Variants in NBEA observed in about 807,000 individuals in gnomAD.
The protein encoded by NBEA is lysosomal-trafficking regulator 2.
A neutral mutation model predicts 343.4 loss-of-function variants in NBEA; 44 were observed. The observed-to-expected ratio is 0.13, with a 90% CI of 0.10 to 0.16. The LOEUF (loss-of-function observed/expected upper bound fraction) is 0.16, where lower values mean the gene tolerates loss of function less well. Among genes scored for constraint, NBEA ranks in the 10% least tolerant of loss-of-function variants. The pLI is 1.00. For synonymous variants in NBEA, 1,175 were observed against 1,238.7 expected (o/e 0.95, Z 1.08); for missense variants, 2,555 against 3,631.3 (o/e 0.70, Z 7.62).
intron 35 of NBEA, among the ~76,000 whole-genome samples, chr13:35,295,714 A>G (rs1054865253): frequency 6.6e-6 from 1 of 152,312 alleles, no homozygotes; most frequent in Non-Finnish European, 1.5e-5. Context: ...TCTGTATTTA[A>G]TATATCTTGG....
Position 35,432,308 on chromosome 13 carries a change from T to C in NBEA, c.6219T>C (p.Asp2073=), listed in dbSNP as rs2045172611. 6.2e-7 allele frequency: 1 copy of C among 1,606,856 alleles called. No individual in the cohort carries two copies. The highest frequency in any genetic ancestry group is 1.3e-5 in the African/African-American group (1 of 74,924). Residue 2073 remains aspartate, a synonymous_variant, in exon 39 of 59, where the codon GAT becomes GAC. Transcript: ENST00000379939. ...TCTGGCGTTTGGATTACTGGGAAGA[T>C]GATCTTCGTCGAAGGAGACGATTTG... The part of the protein sequence containing the change: ...HDFWRLDYWE[D]DLRRRRRFVR...
intron 34 of NBEA, among the ~76,000 whole-genome samples, chr13:35,262,886 G>A (rs1221110332): frequency 3.3e-5 from 5 of 152,152 alleles, no homozygotes; most frequent in South Asian, 2.1e-4. Context: ...AAGAGTTTAC[G>A]TCAGTCCTAC....
At chr13:35,493,689 A>G (rs1004837853) in intron 41 of NBEA, among the ~76,000 whole-genome samples, 3 of 151,960 alleles carry the variant, frequency 2.0e-5, no homozygotes, top group African/African-American at 7.2e-5. Context: ...TTTTGAATAG[A>G]ATATACAATC....
At chr13:35,356,248 G>C (rs1034760325) in intron 38 of NBEA, among the ~76,000 whole-genome samples, 1 of 152,168 alleles carries the variant, frequency 6.6e-6, no homozygotes, top group African/African-American at 2.4e-5. Flanking sequence ...CAAAGTGTTA[G>C]AGCCAGCAAC....
intron 44 of NBEA, among the ~76,000 whole-genome samples, chr13:35,556,009 T>C (rs990378316): frequency 6.6e-6 from 1 of 152,004 alleles, no homozygotes; most frequent in African/African-American, 2.4e-5. Flanking sequence ...AATATAGATA[T>C]GTATTAAATA....
intron 34 of NBEA, among the ~76,000 whole-genome samples, chr13:35,262,737 C>T (rs1177654544): frequency 6.6e-6 from 1 of 151,942 alleles, no homozygotes; most frequent in Admixed American, 6.6e-5. Context: ...ATTGTGGTGG[C>T]AAAACACAGT....
chr13:35,596,361 T>G (rs1015887576), intron 47 of NBEA, among the ~76,000 whole-genome samples: 2 of 152,186 alleles, frequency 1.3e-5, no homozygotes, highest in Non-Finnish European at 2.9e-5. Flanking sequence ...TTCTAAGCTG[T>G]TAAAGCACAG....
chr13:35,596,207 A>G (rs751364434), intron 47 of NBEA, among the ~76,000 whole-genome samples: 1 of 152,028 alleles, frequency 6.6e-6, no homozygotes, highest in Non-Finnish European at 1.5e-5. Context: ...TAAAGAGAAG[A>G]TAAGACTTTT....
At chr13:35,573,592 C>G (rs945116485) in intron 45 of NBEA, among the ~76,000 whole-genome samples, 1 of 152,138 alleles carries the variant, frequency 6.6e-6, no homozygotes, top group African/African-American at 2.4e-5. Flanking sequence ...GCTCTGTTTG[C>G]TTATACTAAA....
chr13:35,292,369 T>G (rs1182761512), intron 35 of NBEA, among the ~76,000 whole-genome samples: 1 of 152,054 alleles, frequency 6.6e-6, no homozygotes, highest in African/African-American at 2.4e-5. Flanking sequence ...CAGGGCAACA[T>G]AGCAGTAACA....
chr13:35,321,621 A>G lies in NBEA; in HGVS notation c.5903+12029A>G, dbSNP rs572022077. Among the ~76,000 whole-genome samples the G allele has an allele frequency of 1.5e-4, 23 of 152,316 alleles. No homozygotes were observed. The East Asian group carries it at 3.9e-3, about 26-fold the overall frequency. ...CTCTGTCCCTTAGCAGAGCTGGAGC[A>G]CTGTGCTTGGAGATCTGCTGCTCTT... is the stretch of plus-strand genomic sequence containing the variant. On this transcript the variant is annotated intron_variant, in intron 36 of 58. Coordinates refer to ENST00000379939, the MANE Select transcript of NBEA (RefSeq NM_001385012.1).
intron 34 of NBEA, among the ~76,000 whole-genome samples, chr13:35,237,705 T>C (rs560239412): frequency 2.0e-5 from 3 of 152,200 alleles, no homozygotes; most frequent in Non-Finnish European, 4.4e-5. Context: ...TACTTTAATG[T>C]CTATGAAAAG....
chr13:35,014,137 C>CA (rs759495699), intron 1 of NBEA, among the ~76,000 whole-genome samples: 28 of 137,482 alleles, frequency 2.0e-4, no homozygotes, highest in Non-Finnish European at 2.3e-4. Context: ...CTGTTATTAG[C>CA]AAAAAAACTT....
intron 39 of NBEA, among the ~76,000 whole-genome samples, chr13:35,443,259 T>G (rs553232253): frequency 6.6e-6 from 1 of 152,152 alleles, no homozygotes; most frequent in African/African-American, 2.4e-5. Flanking sequence ...TCCTTTTTGG[T>G]AAAATTACGT....
At chr13:35,169,819 G>T (rs1209960198) in intron 25 of NBEA, among the ~76,000 whole-genome samples, 6 of 151,572 alleles carry the variant, frequency 4.0e-5, no homozygotes, top group Admixed American at 2.0e-4. Flanking sequence ...ATTTTTAATT[G>T]ATATTATGAA....
intron 45 of NBEA, among the ~76,000 whole-genome samples, chr13:35,571,596 G>A (rs2080427739): frequency 6.6e-6 from 1 of 152,176 alleles, no homozygotes; most frequent in African/African-American, 2.4e-5. Context: ...GTGGCATTCA[G>A]TGAGTGGCAG....
intron 1 of NBEA, among the ~76,000 whole-genome samples, chr13:34,947,716 G>A (rs2059228177): frequency 6.6e-6 from 1 of 152,160 alleles, no homozygotes; most frequent in African/African-American, 2.4e-5. Context: ...GATAAGTTAA[G>A]TGCGTTTGTA....
At chr13:35,076,922 G>A (rs768690059) in intron 10 of NBEA, among the ~76,000 whole-genome samples, 5 of 151,852 alleles carry the variant, frequency 3.3e-5, no homozygotes, top group Non-Finnish European at 7.4e-5. Context: ...AATGGCATCA[G>A]CCCAAAACTA....
intron 46 of NBEA, among the ~76,000 whole-genome samples, chr13:35,586,101 C>G (rs1044289056): frequency 1.3e-5 from 2 of 152,148 alleles, no homozygotes; most frequent in East Asian, 1.9e-4. Context: ...TCAGACCACT[C>G]TATTGTATGG....
Sources: allele counts gnomAD v4.1 joint callset (sites outside exome capture counted in the v4.1 genomes callset), GRCh38; gene constraint gnomAD v4.1.1; transcripts MANE v1.5; gene names NCBI Gene and HGNC (gene_info 2026-07-23, HGNC 2026-07-21).